Variants in CACNG3 observed in about 807,000 individuals in gnomAD.
CACNG3 encodes the protein voltage-dependent calcium channel gamma-3 subunit.
CACNG3 carries 3 observed loss-of-function variants against 28.5 expected under a neutral mutation model. The observed-to-expected ratio is 0.11, with a 90% CI of 0.05 to 0.27. The LOEUF (loss-of-function observed/expected upper bound fraction) is 0.27, where lower values mean the gene tolerates loss of function less well. Among genes scored for constraint, CACNG3 ranks in the 10% least tolerant of loss-of-function variants. The pLI, the probability that CACNG3 is intolerant of heterozygous loss-of-function variation, is 1.00. For missense variants in CACNG3, 236 were observed against 414.4 expected (o/e 0.57, Z 3.74); for synonymous variants, 174 against 162.2 (o/e 1.07, Z -0.55).
intron 1 of CACNG3, among the ~76,000 whole-genome samples, chr16:24,338,833 C>A (rs927120230): frequency 8.5e-5 from 13 of 152,330 alleles, no homozygotes; most frequent in African/African-American, 3.1e-4. Context: ...TCTCCTTTCA[C>A]CTGTACCCAC....
chr16:24,342,084 A>G (rs528433012), intron 1 of CACNG3, among the ~76,000 whole-genome samples: 155 of 152,238 alleles, frequency 1.0e-3, no homozygotes, highest in African/African-American at 3.7e-3. Context: ...CCTGGCCAAC[A>G]TGGTGAAACC....
At chr16:24,291,198 C>T (rs943887259) in intron 1 of CACNG3, among the ~76,000 whole-genome samples, 7 of 152,160 alleles carry the variant, frequency 4.6e-5, no homozygotes, top group Admixed American at 2.6e-4. Context: ...CATAGTTAGC[C>T]CTCAATAGCC....
At chr16:24,262,144 G>T (rs956861377) in intron 1 of CACNG3, among the ~76,000 whole-genome samples, 1 of 152,108 alleles carries the variant, frequency 6.6e-6, no homozygotes, top group African/African-American at 2.4e-5. Context: ...CATCACTTCC[G>T]CACCTGCAGT....
intron 1 of CACNG3, among the ~76,000 whole-genome samples, chr16:24,298,454 A>C (rs1450017464): frequency 6.6e-6 from 1 of 152,232 alleles, no homozygotes; most frequent in African/African-American, 2.4e-5. Context: ...ATAGTTTTCT[A>C]AAACTGAAAT....
At chr16:24,274,211 A>AC (rs1898725845) in intron 1 of CACNG3, among the ~76,000 whole-genome samples, 1 of 151,480 alleles carries the variant, frequency 6.6e-6, no homozygotes. Context: ...CAAAAAAAAA[A>AC]AACTCAACCT....
At chr16:24,292,395 G>A (rs927011868) in intron 1 of CACNG3, among the ~76,000 whole-genome samples, 4 of 152,142 alleles carry the variant, frequency 2.6e-5, no homozygotes, top group African/African-American at 9.7e-5. Context: ...TACATATTGA[G>A]GAACATTAGA....
rs1567217752 is a variant in CACNG3 at position 24,317,708 on chromosome 16, GAAAGA to G, written c.212-29018_212-29014del. On this transcript the variant is annotated intron_variant, in intron 1 of 3. Transcript: ENST00000005284. ...AGAAAGAAAGAAAGAAAGAAAGAAAGAAAGAAAAGAAAGAAAAGAAAAAAGAAATG... is the reference window on the plus strand; with the variant it reads ...AGAAAGAAAGAAAGAAAGAAAGAAAGAAAGAAAGAAAAGAAAAAAGAAATG... Among the ~76,000 whole-genome samples, 488 of 108,454 alleles carry G rather than the reference GAAAGA, an allele frequency of 4.5e-3. 15 individuals carry two copies. The highest frequency in any genetic ancestry group is 0.01 in the African/African-American group (255 of 25,130). 71.2% of individuals were successfully genotyped at this position (108,454 alleles called of 152,430 possible).
chr16:24,313,681 A>T (rs1411391191), intron 1 of CACNG3, among the ~76,000 whole-genome samples: 1 of 152,030 alleles, frequency 6.6e-6, no homozygotes, highest in Non-Finnish European at 1.5e-5. Context: ...GCTGGTCTCA[A>T]ACTCCTGGCT....
intron 1 of CACNG3, among the ~76,000 whole-genome samples, chr16:24,344,395 C>A (rs1899830880): frequency 7.1e-6 from 1 of 139,988 alleles, no homozygotes; most frequent in Non-Finnish European, 1.5e-5. Context: ...GGCAATAGAG[C>A]AAGACTCAGT....
intron 1 of CACNG3, among the ~76,000 whole-genome samples, chr16:24,263,461 T>C (rs1251690943): frequency 6.6e-6 from 1 of 152,198 alleles, no homozygotes; most frequent in African/African-American, 2.4e-5. Flanking sequence ...TAAACAGAAC[T>C]GTAGAAAACC....
At chr16:24,272,851 A>C (rs1898708014) in intron 1 of CACNG3, among the ~76,000 whole-genome samples, 1 of 152,016 alleles carries the variant, frequency 6.6e-6, no homozygotes, top group Non-Finnish European at 1.5e-5. Context: ...CTTTTTTAAA[A>C]TTTTATTTTA....
chr16:24,262,915 C>T (rs1263042248), intron 1 of CACNG3, among the ~76,000 whole-genome samples: 2 of 152,114 alleles, frequency 1.3e-5, no homozygotes, highest in Non-Finnish European at 2.9e-5. Context: ...GTATGGATAA[C>T]TAGTGTGTGT....
chr16:24,279,925 G>A (rs1898801840), intron 1 of CACNG3, among the ~76,000 whole-genome samples: 1 of 152,210 alleles, frequency 6.6e-6, no homozygotes, highest in Non-Finnish European at 1.5e-5. Context: ...GGTGTTAAAA[G>A]GGCCGCTGAA....
chr16:24,312,957 G>A (rs867676009), intron 1 of CACNG3, among the ~76,000 whole-genome samples: 11 of 125,730 alleles, frequency 8.7e-5, no homozygotes, highest in African/African-American at 2.9e-4. Flanking sequence ...GAAAGAAAGA[G>A]AAAGAAAGAA....
At chr16:24,355,830 C>G (rs753251698) in intron 3 of CACNG3, among the ~76,000 whole-genome samples, 3 of 152,120 alleles carry the variant, frequency 2.0e-5, no homozygotes, top group Non-Finnish European at 4.4e-5. Context: ...GTGCTCAAAT[C>G]CTCATATCAT....
At chr16:24,319,921 C>T (rs959118981) in intron 1 of CACNG3, among the ~76,000 whole-genome samples, 1 of 152,188 alleles carries the variant, frequency 6.6e-6, no homozygotes, top group Admixed American at 6.5e-5. Flanking sequence ...CAGGTGCACA[C>T]CACCATGCCC....
At chr16:24,338,541 T>C (rs937386768) in intron 1 of CACNG3, among the ~76,000 whole-genome samples, 3 of 152,032 alleles carry the variant, frequency 2.0e-5, no homozygotes, top group Admixed American at 6.6e-5. Flanking sequence ...GACAGGGTTT[T>C]ACCATGTTGG....
At chr16:24,306,655 T>C (rs909540330) in intron 1 of CACNG3, among the ~76,000 whole-genome samples, 2 of 152,042 alleles carry the variant, frequency 1.3e-5, no homozygotes, top group Admixed American at 6.6e-5. Context: ...CCCCAACACA[T>C]ACACACACCC....
chr16:24,329,959 C>A (rs1899609809), intron 1 of CACNG3, among the ~76,000 whole-genome samples: 1 of 152,088 alleles, frequency 6.6e-6, no homozygotes, highest in South Asian at 2.1e-4. Context: ...TCTCTTGAAC[C>A]ACAGAGGATG....
Sources: allele counts gnomAD v4.1 joint callset (sites outside exome capture counted in the v4.1 genomes callset), GRCh38; gene constraint gnomAD v4.1.1; transcripts MANE v1.5; gene names NCBI Gene and HGNC (gene_info 2026-07-23, HGNC 2026-07-21).